Variants in PLSCR4 observed in about 807,000 individuals in gnomAD.
The protein encoded by PLSCR4 is Ca(2+)-dependent phospholipid scramblase 4.
A neutral mutation model predicts 36.3 loss-of-function variants in PLSCR4; 25 were observed. The ratio of observed to expected loss-of-function variants is 0.69; its 90% CI spans 0.50 to 0.96. The LOEUF (loss-of-function observed/expected upper bound fraction) is 0.96, where lower values mean the gene tolerates loss of function less well. PLSCR4 is among the 40% of genes least tolerant of loss of function. The pLI, the probability that PLSCR4 is intolerant of heterozygous loss-of-function variation, is 0.00. For synonymous variants in PLSCR4, 122 were observed against 132.9 expected, an observed-to-expected ratio of 0.92 and a Z score of 0.56; for missense variants, 408 against 414.7, an observed-to-expected ratio of 0.98 and a Z score of 0.14.
intron 1 of PLSCR4, among the ~76,000 whole-genome samples, chr3:146,231,692 A>G (rs1337956525): frequency 6.6e-6 from 1 of 151,994 alleles, no homozygotes; most frequent in Admixed American, 6.6e-5. Context: ...ACCTTTGCCC[A>G]TTTTTTAATG....
intron 1 of PLSCR4, among the ~76,000 whole-genome samples, chr3:146,238,066 C>A (rs2035991936): frequency 6.6e-6 from 1 of 151,714 alleles, no homozygotes; most frequent in African/African-American, 2.4e-5. Context: ...TACAAACTAC[C>A]ATATGCCAAT....
At chr3:146,204,106 G>A (rs1297616507) in intron 4 of PLSCR4, among the ~76,000 whole-genome samples, 1 of 151,900 alleles carries the variant, frequency 6.6e-6, no homozygotes, top group Admixed American at 6.6e-5. Flanking sequence ...GTCCCTTCCT[G>A]GAACTCAATA....
At chr3:146,248,958 G>C (rs1230929363) in intron 1 of PLSCR4, among the ~76,000 whole-genome samples, 1 of 151,960 alleles carries the variant, frequency 6.6e-6, no homozygotes, top group Non-Finnish European at 1.5e-5. Context: ...TATATGTTTT[G>C]GATAATTAGT....
In PLSCR4 at chr3:146,247,329, CCAGA is replaced by C. The variant is rs539832032; in HGVS notation, c.-22+3627_-22+3630del. On this transcript the variant is annotated intron_variant, in intron 1 of 8. Transcript: ENST00000354952. Reference sequence around the variant, plus strand: ...TAAAGAATTTGAATCAATTTAGACCCCAGACAAAAAGTTACATTCCTAATACAGT... The same window carrying C: ...TAAAGAATTTGAATCAATTTAGACCCCAAAAAGTTACATTCCTAATACAGT... 7.9e-5 allele frequency among the ~76,000 whole-genome samples: 12 copies of C among 151,942 alleles called. No individual in the cohort carries two copies. In the South Asian group the frequency reaches 2.5e-3, roughly 32 times the overall value.
chr3:146,208,948 CT>C (rs1378433902), intron 3 of PLSCR4, among the ~76,000 whole-genome samples: 14 of 152,062 alleles, frequency 9.2e-5, no homozygotes, highest in Admixed American at 8.5e-4. Flanking sequence ...AAAAAAGATA[CT>C]TGCATATGCA....
chr3:146,233,133 T>C (rs2035785706), intron 1 of PLSCR4, among the ~76,000 whole-genome samples: 1 of 152,142 alleles, frequency 6.6e-6, no homozygotes, highest in South Asian at 2.1e-4. Context: ...ATAGTTCCTT[T>C]GAATTTACAA....
intron 1 of PLSCR4, among the ~76,000 whole-genome samples, chr3:146,243,804 T>C (rs1487842439): frequency 6.6e-6 from 1 of 152,160 alleles, no homozygotes; most frequent in Non-Finnish European, 1.5e-5. Flanking sequence ...TCAGAATGCT[T>C]CCTCATTTGT....
At chr3:146,199,511 A>G (rs536417656) in intron 6 of PLSCR4, among the ~76,000 whole-genome samples, 53 of 152,154 alleles carry the variant, frequency 3.5e-4, no homozygotes, top group Non-Finnish European at 6.5e-4. Flanking sequence ...GTACATTTAG[A>G]TAAATGTGGT....
At chr3:146,207,236 G>T (rs1208707307) in intron 3 of PLSCR4, among the ~76,000 whole-genome samples, 1 of 152,054 alleles carries the variant, frequency 6.6e-6, no homozygotes, top group African/African-American at 2.4e-5. Context: ...TCAAAGGAGT[G>T]CTTTTAATGA....
At chr3:146,213,300 A>G (rs550283015) in intron 3 of PLSCR4, among the ~76,000 whole-genome samples, 219 of 149,060 alleles carry the variant, frequency 1.5e-3, no homozygotes, top group South Asian at 6.4e-3. Flanking sequence ...AATGACTGGT[A>G]TTAAAACCTT....
chr3:146,247,352 ATACAG>A (rs1252684534), intron 1 of PLSCR4, among the ~76,000 whole-genome samples: 1 of 152,104 alleles, frequency 6.6e-6, no homozygotes, highest in Non-Finnish European at 1.5e-5. Flanking sequence ...TACATTCCTA[ATACAG>A]TATTTTATCA....
At position 146,192,557 on chromosome 3, in the gene PLSCR4, A is replaced by T. The variant is rs918371579; in HGVS notation, c.*1854T>A. 5 of 151,766 alleles carry T rather than the reference A, an allele frequency of 3.3e-5. No individual in the cohort carries two copies. Among genetic ancestry groups the T allele is most frequent in the African/African-American group, 1.2e-4 (5 of 41,528 alleles). 9.4% of individuals were successfully genotyped at this position (151,766 alleles called of 1,614,324 possible). The stretch of plus-strand genomic sequence containing the variant: ...CTCTAAGAGACAAATATAATTTTTT[A>T]AAAAAGAAATTAAAAATATCACGTC... On this transcript the variant is annotated 3_prime_UTR_variant, in exon 9 of 9. Transcript: ENST00000354952.
At chr3:146,234,667 GAGACCC>G (rs1307450263) in intron 1 of PLSCR4, among the ~76,000 whole-genome samples, 1 of 152,028 alleles carries the variant, frequency 6.6e-6, no homozygotes, top group Non-Finnish European at 1.5e-5. Context: ...CAAAATAGGA[GAGACCC>G]AGAAAATGGG....
intron 1 of PLSCR4, among the ~76,000 whole-genome samples, chr3:146,242,647 T>C (rs557238789): frequency 1.1e-4 from 16 of 152,250 alleles, no homozygotes; most frequent in Admixed American, 7.8e-4. Flanking sequence ...TGGTCAAAGG[T>C]TGCTAGAGCT....
Position 146,196,423 on chromosome 3 carries a change from C to T in PLSCR4, c.786+209G>A, listed in dbSNP as rs1293224814. On this transcript the variant is annotated intron_variant, in intron 7 of 8. Coordinates refer to ENST00000354952, the MANE Select transcript of PLSCR4 (RefSeq NM_020353.3). ...GATTTCTTTTTATTTTTATCAAGTACTGAAGTCATAAAAAAAGCTTTCATT... is the reference window on the plus strand; with the variant it reads ...GATTTCTTTTTATTTTTATCAAGTATTGAAGTCATAAAAAAAGCTTTCATT... The T allele has an allele frequency of 1.3e-5, 7 of 533,854 alleles. No homozygotes were observed. The Admixed American group carries it at 2.2e-4, about 17-fold the overall frequency. The allele number at this position is 533,854 out of a possible 1,614,324, so 33.1% of individuals were successfully genotyped here.
intron 3 of PLSCR4, among the ~76,000 whole-genome samples, chr3:146,216,741 C>A (rs1484777332): frequency 6.6e-6 from 1 of 152,062 alleles, no homozygotes; most frequent in Non-Finnish European, 1.5e-5. Context: ...GAAGAGCACC[C>A]CAGGCGTGAT....
At chr3:146,238,974 A>G (rs538534449) in intron 1 of PLSCR4, among the ~76,000 whole-genome samples, 6 of 152,316 alleles carry the variant, frequency 3.9e-5, no homozygotes, top group African/African-American at 1.4e-4. Flanking sequence ...GGCAATGAAC[A>G]ATGCAGGAAA....
intron 1 of PLSCR4, among the ~76,000 whole-genome samples, chr3:146,235,761 G>T (rs1456094499): frequency 1.3e-5 from 2 of 152,120 alleles, no homozygotes; most frequent in African/African-American, 2.4e-5. Flanking sequence ...ATAGTGATAT[G>T]GACAATGAAG....
chr3:146,241,743 C>T (rs1012682709), intron 1 of PLSCR4, among the ~76,000 whole-genome samples: 1 of 152,134 alleles, frequency 6.6e-6, no homozygotes, highest in Non-Finnish European at 1.5e-5. Flanking sequence ...AACATTCACC[C>T]AGACAGACCA....
Sources: allele counts gnomAD v4.1 joint callset (sites outside exome capture counted in the v4.1 genomes callset), GRCh38; gene constraint gnomAD v4.1.1; transcripts MANE v1.5; gene names NCBI Gene and HGNC (gene_info 2026-07-23, HGNC 2026-07-21).